SLC30A6: variants seen among roughly 807,000 people sequenced by gnomAD.
SLC30A6 encodes the protein solute carrier family 30 member 6, also known as zinc transporter 6.
A neutral mutation model predicts 63.0 loss-of-function variants in SLC30A6; 55 were observed. The observed-to-expected ratio is 0.87, with a 90% confidence interval of 0.70 to 1.09. The LOEUF (loss-of-function observed/expected upper bound fraction) is 1.09, where lower values mean the gene tolerates loss of function less well. SLC30A6 is among the 50% of genes least tolerant of loss of function. The pLI, the probability that SLC30A6 is intolerant of heterozygous loss-of-function variation, is 0.00. For synonymous variants in SLC30A6, 224 were observed against 186.1 expected (o/e 1.20, Z -1.66); for missense variants, 587 against 549.2 (o/e 1.07, Z -0.69).
In SLC30A6 at chr2:32,220,566, CA is replaced by C; in HGVS notation, c.1241del (p.Asn414IlefsTer26). 6.2e-7 allele frequency: 1 copy of C among 1,614,176 alleles called. No individual in the cohort carries two copies. The highest frequency in any genetic ancestry group is 1.7e-5 in the Admixed American group (1 of 60,012). ...AAACAAGGCCTTATGGTTTTGGTCTCAATCATGGACACACACCTTACAGCAG... is the reference window on the plus strand; with the variant it reads ...AAACAAGGCCTTATGGTTTTGGTCTCATCATGGACACACACCTTACAGCAG... ...TQTRPYGFGL[N>X]HGHTPYSSML... On this transcript the variant is annotated frameshift_variant, in exon 14 of 14. Coordinates refer to ENST00000282587, the MANE Select transcript of SLC30A6 (RefSeq NM_017964.5). LOFTEE classifies it high-confidence loss of function.
rs537535360 is a variant in SLC30A6 at position 32,179,796 on chromosome 2, G to A, written c.218+4435G>A. ...CACTCATTCATTTGCTTGTATTTGCGTAAATATACATAGGAAAGATAAACA... is the reference window on the plus strand; with the variant it reads ...CACTCATTCATTTGCTTGTATTTGCATAAATATACATAGGAAAGATAAACA... On this transcript the variant is annotated intron_variant, in intron 4 of 13. Coordinates refer to ENST00000282587, the MANE Select transcript of SLC30A6 (RefSeq NM_017964.5). Among the ~76,000 whole-genome samples, 12 of 152,184 alleles carry A rather than the reference G, an allele frequency of 7.9e-5. No individual in the cohort carries two copies. In the South Asian group the frequency reaches 1.9e-3, roughly 24 times the overall value.
chr2:32,207,692 ATTTTTTT>A (rs34666891), intron 12 of SLC30A6, among the ~76,000 whole-genome samples: 93 of 54,428 alleles, frequency 1.7e-3, no homozygotes, highest in African/African-American at 7.0e-3. Context: ...TAACTTCTGT[ATTTTTTT>A]TTTTTTTTTT....
At chr2:32,166,036 G>T in intron 1 of SLC30A6, 133 bp downstream of exon 1, 1 of 1,320,340 alleles carries the variant, frequency 7.6e-7, no homozygotes, top group Non-Finnish European at 1.1e-6. Flanking sequence ...CCCCTTGGCA[G>T]GAGCGGCTGT....
chr2:32,166,300 A>G (rs1390340990), intron 1 of SLC30A6, among the ~76,000 whole-genome samples: 1 of 121,306 alleles, frequency 8.2e-6, no homozygotes, highest in Admixed American at 8.5e-5. Context: ...CGATAACGCC[A>G]GCGGAAAAAA....
In SLC30A6 at chr2:32,224,337, G is replaced by A. The variant is rs1354690363; in HGVS notation, c.*3624G>A. ...AGGAGAGCTAAGACACAAAACTGTT[G>A]CATGTTTTTAATCATCAAATTAAAC... On this transcript the variant is annotated 3_prime_UTR_variant, in exon 14 of 14. Transcript: ENST00000282587. The A allele has an allele frequency of 3.2e-6, 2 of 618,806 alleles. No individual in the cohort carries two copies. Among genetic ancestry groups the A allele is most frequent in the African/African-American group, 3.7e-5 (2 of 53,900 alleles). The allele number at this position is 618,806 out of a possible 1,614,324, so 38.3% of individuals were successfully genotyped here.
chr2:32,193,212 C>T (rs1290498211), intron 7 of SLC30A6, among the ~76,000 whole-genome samples: 3 of 152,120 alleles, frequency 2.0e-5, no homozygotes, highest in Non-Finnish European at 4.4e-5. Context: ...GCCTAGGAAA[C>T]ACTAACCCAG....
Position 32,208,373 on chromosome 2 carries a change from C to T in SLC30A6, c.817-1120C>T, listed in dbSNP as rs917346395. 5.9e-5 allele frequency among the ~76,000 whole-genome samples: 9 copies of T among 151,600 alleles called. No individual in the cohort carries two copies. In the East Asian group the frequency reaches 7.8e-4, roughly 13 times the overall value. On this transcript the variant is annotated intron_variant, in intron 12 of 13. Coordinates refer to ENST00000282587, the MANE Select transcript of SLC30A6 (RefSeq NM_017964.5). ...CTCGAACTCCTGACCTCAAATGATCCGCCCCTTGTGACCTCCCAAAATGCT... is the reference window on the plus strand; with the variant it reads ...CTCGAACTCCTGACCTCAAATGATCTGCCCCTTGTGACCTCCCAAAATGCT...
chr2:32,218,303 A>C (rs951348144), intron 13 of SLC30A6, among the ~76,000 whole-genome samples: 2 of 152,182 alleles, frequency 1.3e-5, no homozygotes, highest in African/African-American at 4.8e-5. Flanking sequence ...AATTTATGGT[A>C]AACACTTTTT....
chr2:32,167,248 T>C (rs1451652608), intron 1 of SLC30A6, among the ~76,000 whole-genome samples: 1 of 152,140 alleles, frequency 6.6e-6, no homozygotes, highest in Non-Finnish European at 1.5e-5. Flanking sequence ...GCTAATTTTG[T>C]ATTTTTAGTA....
chr2:32,201,984 A>G, intron 10 of SLC30A6: 3 of 1,351,048 alleles, frequency 2.2e-6, no homozygotes, highest in Non-Finnish European at 2.1e-6. Context: ...CTCATAAGTC[A>G]AGAAGAAAAG....
intron 10 of SLC30A6, chr2:32,202,763 G>T: frequency 1.4e-6 from 1 of 713,076 alleles, no homozygotes. Flanking sequence ...ACAGTCCTCA[G>T]ACTTTACTTT....
At position 32,220,458 on chromosome 2, in the gene SLC30A6, A is replaced by G; in HGVS notation, c.1131A>G (p.Pro377=). The change falls in exon 14 of 14, where the codon CCA becomes CCG. Residue 377 remains proline (P), a synonymous_variant. Transcript: ENST00000282587. ...ATTTGAACCCAGTTACATCAACTCC[A>G]GCTAAACCTAGTAGTCCACCTCCAG... The part of the protein sequence containing the change: ...TDDLNPVTST[P]AKPSSPPPEF... The G allele has an allele frequency of 6.2e-7, 1 of 1,614,244 alleles. No individual in the cohort carries two copies. The highest frequency in any genetic ancestry group is 2.2e-5 in the East Asian group (1 of 44,892).
intron 5 of SLC30A6, among the ~76,000 whole-genome samples, chr2:32,191,574 C>G (rs1683323245): frequency 6.6e-6 from 1 of 152,170 alleles, no homozygotes; most frequent in Admixed American, 6.5e-5. Flanking sequence ...TCATAATTCA[C>G]TGTAATTATG....
rs3040860 is a variant in SLC30A6 at position 32,210,515 on chromosome 2, C to CAAAAAAA, written c.885+971_885+977dup. Among the ~76,000 whole-genome samples the CAAAAAAA allele has an allele frequency of 1.8e-4, 16 of 89,208 alleles. 1 individual carries two copies. The highest frequency in any genetic ancestry group is 6.7e-4 in the African/African-American group (15 of 22,370). The allele number at this position is 89,208 out of a possible 152,430, so 58.5% of individuals were successfully genotyped here. On this transcript the variant is annotated intron_variant, in intron 13 of 13. Transcript: ENST00000282587. ...GGGTGACAGAGTGAGACTCTGTCTC[C>CAAAAAAA]AAAAAAAAAAAAAAAAAAAAAAACA...
intron 1 of SLC30A6, 58 bp downstream of exon 1, chr2:32,165,961 G>A (rs545701698): frequency 1.2e-6 from 2 of 1,613,506 alleles, no homozygotes; most frequent in East Asian, 4.5e-5. Flanking sequence ...TATCTTATTT[G>A]GTCCCGAAGC....
chr2:32,176,657 C>CA lies in SLC30A6; in HGVS notation c.218+1308dup, dbSNP rs570915713. Among the ~76,000 whole-genome samples, 369 of 111,928 alleles carry CA rather than the reference C, an allele frequency of 3.3e-3. 6 individuals carry two copies. In the South Asian group the frequency reaches 0.055, roughly 17 times the overall value. 73.4% of individuals were successfully genotyped at this position (111,928 alleles called of 152,430 possible). Reference sequence around the variant, plus strand: ...TGGGCGACAGAGTGAGATTCCATCTCAAAAAAAAAAAAGGCTTTATTGAGA... The same window carrying CA: ...TGGGCGACAGAGTGAGATTCCATCTCAAAAAAAAAAAAAGGCTTTATTGAGA... On this transcript the variant is annotated intron_variant, in intron 4 of 13. Transcript: ENST00000282587.
intron 10 of SLC30A6, chr2:32,202,399 G>A (rs1480529549): frequency 3.7e-6 from 1 of 267,034 alleles, no homozygotes; most frequent in Non-Finnish European, 7.2e-6. Context: ...GCTGGATCTC[G>A]GCTCACTGCA....
At chr2:32,174,013 C>G (rs750001302) in intron 2 of SLC30A6, 50 bp from the exon 3 acceptor site, 1 of 1,402,820 alleles carries the variant, frequency 7.1e-7, no homozygotes. Context: ...GAACAGACCC[C>G]GTGAAATTTA....
intron 10 of SLC30A6, chr2:32,202,242 AG>A (rs1684353834): frequency 1.3e-6 from 1 of 766,640 alleles, no homozygotes; most frequent in Non-Finnish European, 2.0e-6. Flanking sequence ...AAGATTTAAT[AG>A]CTCAAGCACA....
Sources: gnomAD v4.1 joint callset for allele counts (sites outside exome capture counted in the v4.1 genomes callset) on GRCh38, gnomAD v4.1.1 for gene constraint, MANE v1.5 for transcripts, NCBI Gene and HGNC (gene_info 2026-07-23, HGNC 2026-07-21) for gene names.